Variants in AUTS2 observed in about 807,000 individuals in gnomAD.
The protein encoded by AUTS2 is activator of transcription and developmental regulator AUTS2.
In AUTS2, 17 loss-of-function variants were observed where a neutral mutation model predicts 112.4. That is an observed-to-expected ratio of 0.15 (90% CI 0.10 to 0.23). The LOEUF is 0.23. Among genes scored for constraint, AUTS2 ranks in the 10% least tolerant of loss-of-function variants. The pLI is 1.00. For missense variants in AUTS2, 1,510 were observed against 1,701.6 expected, an observed-to-expected ratio of 0.89 and a Z score of 1.98; for synonymous variants, 751 against 702.7, an observed-to-expected ratio of 1.07 and a Z score of -1.09.
chr7:70,596,796 C>T (rs1803235096), intron 5 of AUTS2: 1 of 152,156 alleles, frequency 6.6e-6, no homozygotes, highest in Non-Finnish European at 1.5e-5. Context: ...CAACTCCTGA[C>T]CACGTAAGGA....
At chr7:69,787,433 A>G (rs1375261364) in intron 1 of AUTS2, among the ~76,000 whole-genome samples, 1 of 152,206 alleles carries the variant, frequency 6.6e-6, no homozygotes, top group African/African-American at 2.4e-5. Flanking sequence ...AAAGCACTTA[A>G]AGTCTTTTGT....
At chr7:70,696,128 G>A (rs970826574) in intron 5 of AUTS2, among the ~76,000 whole-genome samples, 3 of 152,140 alleles carry the variant, frequency 2.0e-5, no homozygotes, top group Non-Finnish European at 4.4e-5. Context: ...CAGACCCAAG[G>A]AACAAATCAT....
chr7:69,880,756 A>G (rs1794008605), intron 1 of AUTS2, among the ~76,000 whole-genome samples: 1 of 152,124 alleles, frequency 6.6e-6, no homozygotes, highest in African/African-American at 2.4e-5. Context: ...AGAACCCTGG[A>G]TGAGGGTAGA....
At chr7:70,345,402 G>A (rs1791450811) in intron 4 of AUTS2, among the ~76,000 whole-genome samples, 1 of 152,084 alleles carries the variant, frequency 6.6e-6, no homozygotes, top group Non-Finnish European at 1.5e-5. Flanking sequence ...TCTCTTTAGT[G>A]TTAATTTCTT....
intron 1 of AUTS2, among the ~76,000 whole-genome samples, chr7:69,628,563 C>T: frequency 6.6e-6 from 1 of 152,138 alleles, no homozygotes; most frequent in East Asian, 1.9e-4. Flanking sequence ...GTTTAATTGG[C>T]TCATCATTCC....
chr7:70,106,885 T>A (rs893817408), intron 2 of AUTS2, among the ~76,000 whole-genome samples: 1 of 152,198 alleles, frequency 6.6e-6, no homozygotes, highest in Non-Finnish European at 1.5e-5. Flanking sequence ...GCTGTAGTGA[T>A]CTTTAACAAC....
At chr7:69,896,879 T>G (rs939684267) in intron 1 of AUTS2, among the ~76,000 whole-genome samples, 1 of 152,208 alleles carries the variant, frequency 6.6e-6, no homozygotes, top group Non-Finnish European at 1.5e-5. Context: ...ATAGCAGTCA[T>G]TTTCTCAGCT....
intron 1 of AUTS2, among the ~76,000 whole-genome samples, chr7:69,892,692 C>T (rs1485220328): frequency 2.0e-5 from 3 of 152,002 alleles, no homozygotes; most frequent in Admixed American, 2.0e-4. Flanking sequence ...CTTAGCTTAA[C>T]CCAAGATTAC....
chr7:69,604,450 A>G (rs1362072976), intron 1 of AUTS2, among the ~76,000 whole-genome samples: 2 of 152,232 alleles, frequency 1.3e-5, no homozygotes, highest in East Asian at 1.9e-4. Flanking sequence ...GCCAGCACCT[A>G]TGAAATAATT....
At chr7:70,569,124 A>C (rs929815447) in intron 5 of AUTS2, among the ~76,000 whole-genome samples, 3 of 152,126 alleles carry the variant, frequency 2.0e-5, no homozygotes, top group African/African-American at 7.2e-5. Context: ...GACCCAGTTG[A>C]CATCTATAAT....
At chr7:70,329,612 A>G (rs993197732) in intron 4 of AUTS2, among the ~76,000 whole-genome samples, 5 of 145,312 alleles carry the variant, frequency 3.4e-5, no homozygotes, top group African/African-American at 1.3e-4. Context: ...CTCATTTTTC[A>G]ATTTGGTTAT....
At chr7:69,750,811 G>C (rs1201594267) in intron 1 of AUTS2, among the ~76,000 whole-genome samples, 2 of 152,088 alleles carry the variant, frequency 1.3e-5, no homozygotes, top group Admixed American at 1.3e-4. Context: ...AGGGAGGACA[G>C]AGTTTTGAGG....
At chr7:69,804,464 C>G (rs1166487983) in intron 1 of AUTS2, among the ~76,000 whole-genome samples, 1 of 152,170 alleles carries the variant, frequency 6.6e-6, no homozygotes, top group Non-Finnish European at 1.5e-5. Context: ...CTCTGAAATG[C>G]TGAGTTTAGG....
At chr7:70,513,199 T>C (rs1279239245) in intron 5 of AUTS2, among the ~76,000 whole-genome samples, 2 of 152,222 alleles carry the variant, frequency 1.3e-5, no homozygotes, top group Non-Finnish European at 2.9e-5. Context: ...AAATTTTAAG[T>C]AACACAACAT....
At chr7:69,913,342 G>C (rs1795439168) in intron 2 of AUTS2, among the ~76,000 whole-genome samples, 1 of 152,158 alleles carries the variant, frequency 6.6e-6, no homozygotes. Flanking sequence ...GGGAATGAAA[G>C]GGGGAACCAT....
intron 1 of AUTS2, among the ~76,000 whole-genome samples, chr7:69,670,862 G>A (rs549227461): frequency 6.6e-6 from 1 of 151,930 alleles, no homozygotes; most frequent in African/African-American, 2.4e-5. Flanking sequence ...TCGAGACCCT[G>A]TCTCAAAAAA....
chr7:70,696,048 G>A (rs1223329550), intron 5 of AUTS2, among the ~76,000 whole-genome samples: 1 of 152,120 alleles, frequency 6.6e-6, no homozygotes, highest in Non-Finnish European at 1.5e-5. Context: ...CCAGGAAAAT[G>A]GTCCAGGTAA....
At chr7:70,368,289 T>C (rs1792678462) in intron 4 of AUTS2, among the ~76,000 whole-genome samples, 1 of 152,154 alleles carries the variant, frequency 6.6e-6, no homozygotes, top group South Asian at 2.1e-4. Context: ...GTAGGATTTT[T>C]TGTTTGTTCA....
At chr7:69,766,685 C>G (rs1788436414) in intron 1 of AUTS2, among the ~76,000 whole-genome samples, 1 of 152,160 alleles carries the variant, frequency 6.6e-6, no homozygotes, top group Non-Finnish European at 1.5e-5. Context: ...CAGCCACTTT[C>G]CATGGCTCAC....
Sources: allele counts gnomAD v4.1 joint callset (sites outside exome capture counted in the v4.1 genomes callset), GRCh38; gene constraint gnomAD v4.1.1; transcripts MANE v1.5; gene names NCBI Gene and HGNC (gene_info 2026-07-23, HGNC 2026-07-21).